Variants in FLG2 observed in about 807,000 individuals in gnomAD.
The protein encoded by FLG2 is filaggrin 2.
FLG2 carries 7 observed loss-of-function variants against 3.9 expected under a neutral mutation model. The ratio of observed to expected loss-of-function variants is 1.79; its 90% CI spans 1.02 to 3.36. FLG2 has a LOEUF of 3.36. Ranked by LOEUF, FLG2 falls within the 30% of genes most tolerant of loss-of-function variation. FLG2 has a pLI of 0.00. For missense variants in FLG2, 2,700 were observed against 2,809.4 expected, an observed-to-expected ratio of 0.96 and a Z score of 0.88; for synonymous variants, 1,031 against 1,056.1, an observed-to-expected ratio of 0.98 and a Z score of 0.46.
Position 152,353,748 on chromosome 1 carries a change from G to A in FLG2, c.4038C>T (p.Ser1346=). The part of the protein sequence containing the change: ...GSRTSGRQRF[S]HSDATDSEVH... ...CTTCACTGTCAGTGGCATCACTGTG[G>A]CTAAATCTCTGTCTTCCAGATGTTC... The change falls in exon 3 of 3, where the codon AGC becomes AGT. Residue 1346 remains serine, a synonymous_variant. Transcript: ENST00000388718. The A allele has an allele frequency of 5.6e-6, 9 of 1,614,124 alleles. No individual in the cohort carries two copies. The highest frequency in any genetic ancestry group is 7.6e-6 in the Non-Finnish European group (9 of 1,180,032).
In FLG2 at chr1:152,356,754, G is replaced by A. The variant is rs1474793056; in HGVS notation, c.1032C>T (p.Asn344=). ...QPSGCGQPES[N]PCSQSYSQRG... is the part of the protein sequence containing the mutation. ...TCTGACTATAGGACTGACTACAGGG[G>A]TTAGACTCAGGTTGACCACATCCAG... The change falls in exon 3 of 3, where the codon AAC becomes AAT. Residue 344 remains asparagine, a synonymous_variant. Transcript: ENST00000388718. The A allele has an allele frequency of 1.2e-6, 2 of 1,614,178 alleles. No individual in the cohort carries two copies. The highest frequency in any genetic ancestry group is 1.3e-5 in the African/African-American group (1 of 75,028).
In FLG2 at chr1:152,357,562, A is replaced by G; in HGVS notation, c.224T>C (p.Leu75Pro). Reference protein sequence around the residue: ...HDRRLDFTEFLLMIFKLTMAC... With the variant: ...HDRRLDFTEFPLMIFKLTMAC... The stretch of plus-strand genomic sequence containing the variant: ...CATAGTCAGCTTGAATATCATCAAA[A>G]GAAACTCAGTAAAGTCCAATCTTCT... Residue 75 changes from leucine (L) to proline (P), a missense_variant, in exon 3 of 3, where the codon CTT becomes CCT. By Grantham distance (98) the Leu-to-Pro change is moderately conservative (BLOSUM62 -3). Coordinates refer to ENST00000388718, the MANE Select transcript of FLG2 (RefSeq NM_001014342.3). 6.2e-7 allele frequency: 1 copy of G among 1,614,088 alleles called. No individual in the cohort carries two copies. The highest frequency in any genetic ancestry group is 8.5e-7 in the Non-Finnish European group (1 of 1,180,034).
rs1032581380 is a variant in FLG2, at chr1:152,353,027, CT to C, written c.4758del (p.Gly1588AlafsTer37). 3 of 1,613,474 alleles carry C rather than the reference CT, an allele frequency of 1.9e-6. No homozygotes were observed. The highest frequency in any genetic ancestry group is 2.5e-6 in the Non-Finnish European group (3 of 1,179,914). On this transcript the variant is annotated frameshift_variant, in exon 3 of 3. Transcript: ENST00000388718. LOFTEE classifies it low-confidence loss of function (END_TRUNC). ...HSESTDSEVHSGGSHRPHSRE... is the reference protein window; with the variant it reads ...HSESTDSEVHXGGSHRPHSRE... ...CGTGAGTGTGGTCTGTGTGAGCCCCCTGAGTGCACTTCACTGTCAGTGGACT... is the reference window on the plus strand; with the variant it reads ...CGTGAGTGTGGTCTGTGTGAGCCCCCGAGTGCACTTCACTGTCAGTGGACT...
chr1:152,354,176 C>A lies in FLG2; in HGVS notation c.3610G>T (p.Gly1204Ter). 6.2e-7 allele frequency: 1 copy of A among 1,614,234 alleles called. No homozygotes were observed. The highest frequency in any genetic ancestry group is 8.5e-7 in the Non-Finnish European group (1 of 1,180,048). ...GAGCCTGAACCATATTGGCCAAATCCAGTGGACTGACCTGAGTCAGATATA... is the reference window on the plus strand; with the variant it reads ...GAGCCTGAACCATATTGGCCAAATCAAGTGGACTGACCTGAGTCAGATATA... Reference protein sequence around the residue: ...QHISDSGQSTGFGQYGSGSGQ... With the variant: ...QHISDSGQST The change falls in exon 3 of 3, where the codon GGA (glycine) becomes TGA (stop). Residue 1204 changes from glycine (G) to a stop codon, truncating the protein, a stop_gained. Transcript: ENST00000388718. LOFTEE classifies it low-confidence loss of function (END_TRUNC).
In FLG2 at chr1:152,350,731, G is replaced by A. The variant is rs775171419; in HGVS notation, c.7055C>T (p.Ala2352Val). ...QVWKHGSYGP[A>V]EYDYGHTGYG... Reference sequence around the variant, plus strand: ...CCCAGTGTGCCCATAGTCATATTCTGCAGGTCCATAGCTGCCATGTTTCCA... The same window carrying A: ...CCCAGTGTGCCCATAGTCATATTCTACAGGTCCATAGCTGCCATGTTTCCA... Residue 2352 changes from alanine (A) to valine (V), a missense_variant, in exon 3 of 3, where the codon GCA becomes GTA. Coordinates refer to ENST00000388718, the MANE Select transcript of FLG2 (RefSeq NM_001014342.3). The A allele has an allele frequency of 2.5e-5, 40 of 1,614,050 alleles. No individual in the cohort carries two copies. The highest frequency in any genetic ancestry group is 8.0e-5 in the African/African-American group (6 of 74,920).
chr1:152,350,700 C>T lies in FLG2; in HGVS notation c.7086G>A (p.Gly2362=), dbSNP rs139767736. 5.8e-4 allele frequency: 943 copies of T among 1,614,190 alleles called. 6 individuals carry two copies. The African/African-American group carries it at 9.3e-3, about 16-fold the overall frequency. Residue 2362 remains glycine, a synonymous_variant, in exon 3 of 3, where the codon GGG becomes GGA. Transcript: ENST00000388718. ...TGCTTTTTCTGCTGCCACCAGAAGG[C>T]CCATACCCAGTGTGCCCATAGTCAT... ...AEYDYGHTGY[G]PSGGSRKSIS...
At position 152,352,981 on chromosome 1, in the gene FLG2, G is replaced by A. The variant is rs758485650; in HGVS notation, c.4805C>T (p.Ala1602Val). 1 of 1,613,284 alleles carries A rather than the reference G, an allele frequency of 6.2e-7. No individual in the cohort carries two copies. Among genetic ancestry groups the A allele is most frequent in the South Asian group, 1.1e-5 (1 of 91,042 alleles). ...PHSREHTYGQ[A>V]GSQHEEPEFT... ...TTCTGGCTCTTCATGTTGAGATCCGGCTTGGCCGTAAGTGTGTTCTCGTGA... is the reference window on the plus strand; with the variant it reads ...TTCTGGCTCTTCATGTTGAGATCCGACTTGGCCGTAAGTGTGTTCTCGTGA... Residue 1602 changes from alanine to valine, a missense_variant, in exon 3 of 3, where the codon GCC becomes GTC. By Grantham distance (64) the Ala-to-Val change is moderately conservative (BLOSUM62 0). Coordinates refer to ENST00000388718, the MANE Select transcript of FLG2 (RefSeq NM_001014342.3).
Position 152,350,588 on chromosome 1 carries a change from G to A in FLG2, c.*22C>T, listed in dbSNP as rs761038340. The A allele has an allele frequency of 1.1e-5, 18 of 1,597,910 alleles. 1 individual carries two copies. In the South Asian group the frequency reaches 1.8e-4, roughly 16 times the overall value. ...CTTTTAGTTGCTTTGGATACTATAA[G>A]GTCAGAACTAGAAAATAACTGTCAA... On this transcript the variant is annotated 3_prime_UTR_variant, in exon 3 of 3. Transcript: ENST00000388718.
Position 152,358,816 on chromosome 1 carries a change from C to T in FLG2, c.69G>A (p.Gly23=). ...CACCCTTGCTCAGTGTGCCACACTCCCCATCTTGCTTGGTGTATTTGTAGA... is the reference window on the plus strand; with the variant it reads ...CACCCTTGCTCAGTGTGCCACACTCTCCATCTTGCTTGGTGTATTTGTAGA... The part of the protein sequence containing the change: ...DVFYKYTKQD[G]ECGTLSKGEL... The change falls in exon 2 of 3, where the codon GGG becomes GGA. Residue 23 remains glycine, a synonymous_variant. Transcript: ENST00000388718. 6.2e-7 allele frequency: 1 copy of T among 1,614,042 alleles called. No homozygotes were observed. Among genetic ancestry groups the T allele is most frequent in the African/African-American group, 1.3e-5 (1 of 75,036 alleles).
At position 152,351,417 on chromosome 1, in the gene FLG2, T is replaced by C. The variant is rs1308229641; in HGVS notation, c.6369A>G (p.Gly2123=). The stretch of plus-strand genomic sequence containing the variant: ...GAGATCTGGCTTGGCCATAAGTGTG[T>C]CCTGAATGTGTGTGTGAGACCCCTG... The part of the protein sequence containing the change: ...VHSGVSHTHS[G]HTYGQARSQH... Residue 2123 remains glycine (G), a synonymous_variant, in exon 3 of 3, where the codon GGA becomes GGG. Transcript: ENST00000388718. 1.2e-6 allele frequency: 2 copies of C among 1,613,308 alleles called. No individual in the cohort carries two copies. The highest frequency in any genetic ancestry group is 1.7e-6 in the Non-Finnish European group (2 of 1,179,856).
In FLG2 at chr1:152,351,111, C is replaced by G. The variant is rs951122213; in HGVS notation, c.6675G>C (p.Gln2225His). The G allele has an allele frequency of 1.2e-6, 2 of 1,613,964 alleles. No individual in the cohort carries two copies. Among genetic ancestry groups the G allele is most frequent in the South Asian group, 1.1e-5 (1 of 91,076 alleles). ...GHGRQGTTHG[Q>H]TGDTTRHAHY... ...GGGCATGTCTAGTGGTATCTCCTGT[C>G]TGTCCATGAGTAGTTCCCTGTCTCC... The change falls in exon 3 of 3, where the codon CAG becomes CAC. Residue 2225 changes from glutamine (Q) to histidine (H), a missense_variant. By Grantham distance (24) the Gln-to-His change is conservative. Transcript: ENST00000388718.
In FLG2 at chr1:152,351,505, C is replaced by T. The variant is rs747633640; in HGVS notation, c.6281G>A (p.Gly2094Glu). 2.5e-6 allele frequency: 4 copies of T among 1,611,584 alleles called. No individual in the cohort carries two copies. Among genetic ancestry groups the T allele is most frequent in the South Asian group, 2.2e-5 (2 of 90,926 alleles). ...HSGHGQSTQRGSRTAGRRGSG... is the reference protein window; with the variant it reads ...HSGHGQSTQRESRTAGRRGSG... ...TCCCCTTCTTCCAGCTGTCCTTGAC[C>T]CTCTCTGTGTGGACTGTCCATGACC... Residue 2094 changes from glycine to glutamate, a missense_variant, in exon 3 of 3, where the codon GGG (glycine) becomes GAG (glutamate). Physicochemically the swap from Gly to Glu is moderately conservative, Grantham distance 98. Coordinates refer to ENST00000388718, the MANE Select transcript of FLG2 (RefSeq NM_001014342.3).
chr1:152,354,056 T>C lies in FLG2; in HGVS notation c.3730A>G (p.Ile1244Val), dbSNP rs766669671. Residue 1244 changes from isoleucine (I) to valine (V), a missense_variant, in exon 3 of 3, where the codon ATA (isoleucine) becomes GTA (valine). Coordinates refer to ENST00000388718, the MANE Select transcript of FLG2 (RefSeq NM_001014342.3). ...GRQETTHGQT[I>V]NTTRHSQSGQ... The stretch of plus-strand genomic sequence containing the variant: ...GACTGGCTATGTCTAGTGGTATTTA[T>C]TGTCTGACCATGAGTAGTTTCCTGT... 1.2e-6 allele frequency: 2 copies of C among 1,614,102 alleles called. No individual in the cohort carries two copies. The highest frequency in any genetic ancestry group is 2.2e-5 in the East Asian group (1 of 44,856).
At position 152,351,117 on chromosome 1, in the gene FLG2, A is replaced by G. The variant is rs1334283125; in HGVS notation, c.6669T>C (p.His2223=). 14 of 1,613,626 alleles carry G rather than the reference A, an allele frequency of 8.7e-6. No individual in the cohort carries two copies. The highest frequency in any genetic ancestry group is 1.3e-5 in the African/African-American group (1 of 74,768). The change falls in exon 3 of 3, where the codon CAT becomes CAC. Residue 2223 remains histidine (H), a synonymous_variant. Transcript: ENST00000388718. ...GTCTAGTGGTATCTCCTGTCTGTCC[A>G]TGAGTAGTTCCCTGTCTCCCATGAC... is the stretch of plus-strand genomic sequence containing the variant. ...SSGHGRQGTT[H]GQTGDTTRHA... is the part of the protein sequence containing the mutation.
rs1654268567 is a variant in FLG2 at position 152,357,119 on chromosome 1, A to C, written c.667T>G (p.Tyr223Asp). ...CTGTTTGATCCAGATCCAGATTCATACTCCTCCCCAGATTCCCTAGAAGGG... is the reference window on the plus strand; with the variant it reads ...CTGTTTGATCCAGATCCAGATTCATCCTCCTCCCCAGATTCCCTAGAAGGG... The part of the protein sequence containing the change: ...ISPSRESGEE[Y>D]ESGSGSNSWE... The change falls in exon 3 of 3, where the codon TAT becomes GAT. Residue 223 changes from tyrosine (Y) to aspartate (D), a missense_variant. Physicochemically the swap from Tyr to Asp is radical, Grantham distance 160. Coordinates refer to ENST00000388718, the MANE Select transcript of FLG2 (RefSeq NM_001014342.3). 2 of 1,612,900 alleles carry C rather than the reference A, an allele frequency of 1.2e-6. No homozygotes were observed. Among genetic ancestry groups the C allele is most frequent in the Non-Finnish European group, 1.7e-6 (2 of 1,179,758 alleles).
Position 152,356,044 on chromosome 1 carries a change from C to A in FLG2, c.1742G>T (p.Gly581Val). The A allele has an allele frequency of 1.2e-6, 2 of 1,613,808 alleles. No individual in the cohort carries two copies. Among genetic ancestry groups the A allele is most frequent in the Non-Finnish European group, 1.7e-6 (2 of 1,179,952 alleles). Residue 581 changes from glycine (G) to valine (V), a missense_variant, in exon 3 of 3, where the codon GGC (glycine) becomes GTC (valine). By Grantham distance (109) the Gly-to-Val change is moderately radical. Transcript: ENST00000388718. ...GLGSGQSTGF[G>V]QYGSGSGQSS... is the part of the protein sequence containing the mutation. The stretch of plus-strand genomic sequence containing the variant: ...CTGACCTGAGCCCGATCCATATTGG[C>A]CAAAGCCAGTGGATTGACCTGAGCC...
rs765642600 is a variant in FLG2 at position 152,356,262 on chromosome 1, A to T, written c.1524T>A (p.His508Gln). 6.2e-7 allele frequency: 1 copy of T among 1,614,032 alleles called. No individual in the cohort carries two copies. Among genetic ancestry groups the T allele is most frequent in the South Asian group, 1.1e-5 (1 of 91,070 alleles). The stretch of plus-strand genomic sequence containing the variant: ...CAGAGGATTGTCCTGAGACAGACCC[A>T]TGCTGTCCAAAGCCAGAGGACTGAC... The part of the protein sequence containing the change: ...GSGQSSGFGQ[H>Q]GSVSGQSSGF... The change falls in exon 3 of 3, where the codon CAT becomes CAA. Residue 508 changes from histidine (H) to glutamine (Q), a missense_variant. Coordinates refer to ENST00000388718, the MANE Select transcript of FLG2 (RefSeq NM_001014342.3).
In FLG2 at chr1:152,350,974, T is replaced by C. The variant is rs1000895041; in HGVS notation, c.6812A>G (p.His2271Arg). ...SEVHSWGSHT[H>R]SGHIQGQAGS... ...AGCTTGGCCCTGAATGTGTCCTGAA[T>C]GTGTGTGTGAGCCCCATGAGTGCAC... is the stretch of plus-strand genomic sequence containing the variant. The change falls in exon 3 of 3, where the codon CAT (histidine) becomes CGT (arginine). Residue 2271 changes from histidine (H) to arginine (R), a missense_variant. By Grantham distance (29) the His-to-Arg change is conservative. Transcript: ENST00000388718. 6.2e-7 allele frequency: 1 copy of C among 1,613,868 alleles called. No individual in the cohort carries two copies. The highest frequency in any genetic ancestry group is 1.3e-5 in the African/African-American group (1 of 74,868).
chr1:152,358,662 C>T (rs1654339058), intron 2 of FLG2, 85 bp downstream of exon 2: 1 of 1,369,274 alleles, frequency 7.3e-7, no homozygotes, highest in Non-Finnish European at 1.0e-6. Context: ...TTCACTGGGG[C>T]TGTGCACTTT....
Sources: allele counts gnomAD v4.1 joint callset, GRCh38; gene constraint gnomAD v4.1.1; transcripts MANE v1.5; gene names NCBI Gene and HGNC (gene_info 2026-07-23, HGNC 2026-07-21).